The following TMEM108 variants were observed in gnomAD, a reference collection of about 807,000 sequenced individuals.
The protein encoded by TMEM108 is transmembrane protein 108, also known as cancer/testis antigen 124.
In TMEM108, 12 loss-of-function variants were observed where a neutral mutation model predicts 35.1. The ratio of observed to expected loss-of-function variants is 0.34; its 90% CI spans 0.22 to 0.55. TMEM108 has a LOEUF of 0.55. TMEM108 is among the 20% of genes least tolerant of loss of function. The pLI, the probability that TMEM108 is intolerant of heterozygous loss-of-function variation, is 0.89. For missense variants in TMEM108, 680 were observed against 753.3 expected, an observed-to-expected ratio of 0.90 and a Z score of 1.14; for synonymous variants, 287 against 308.6, an observed-to-expected ratio of 0.93 and a Z score of 0.73.
chr3:133,040,285 C>A (rs1943259529), intron 1 of TMEM108, among the ~76,000 whole-genome samples: 1 of 147,956 alleles, frequency 6.8e-6, no homozygotes, highest in Admixed American at 6.9e-5. Context: ...CTCACTGTAA[C>A]CTCCGTCTCC....
intron 2 of TMEM108, among the ~76,000 whole-genome samples, chr3:133,085,997 A>G (rs1174983498): frequency 1.3e-5 from 2 of 151,946 alleles, no homozygotes; most frequent in African/African-American, 4.8e-5. Flanking sequence ...CTCTTGTTCA[A>G]CTCTTCTAAT....
At chr3:133,351,992 C>G (rs1162889221) in intron 3 of TMEM108, among the ~76,000 whole-genome samples, 1 of 152,182 alleles carries the variant, frequency 6.6e-6, no homozygotes, top group Non-Finnish European at 1.5e-5. Context: ...ATCATATACA[C>G]ACACATAACC....
chr3:133,269,016 GT>G (rs903990121), intron 3 of TMEM108, among the ~76,000 whole-genome samples: 2 of 151,836 alleles, frequency 1.3e-5, no homozygotes, highest in East Asian at 3.9e-4. Flanking sequence ...CCATCCAGTA[GT>G]TTTTTTTTAA....
chr3:133,057,435 G>GTATATATATATATATA (rs56983894), intron 2 of TMEM108, among the ~76,000 whole-genome samples: 2 of 45,764 alleles, frequency 4.4e-5, no homozygotes, highest in African/African-American at 7.0e-5. Context: ...GTGTGTGTGT[G>GTATATATATATATATA]TATATATATA....
intron 2 of TMEM108, among the ~76,000 whole-genome samples, chr3:133,051,817 G>C (rs1286178590): frequency 6.6e-6 from 1 of 152,064 alleles, no homozygotes; most frequent in Non-Finnish European, 1.5e-5. Context: ...TCTGGATGTA[G>C]GTATATTTCT....
Position 133,229,343 on chromosome 3 carries a change from A to G in TMEM108, c.32A>G (p.Gln11Arg). MKRSLQALYC[Q>R]LLSFLLILAL... ...AGAAGTTTACAGGCCCTCTATTGCC[A>G]ACTGTTAAGTAAGTTGACACTGTAT... Residue 11 changes from glutamine to arginine, a missense_variant, in exon 3 of 6, where the codon CAA (glutamine) becomes CGA (arginine). Coordinates refer to ENST00000321871, the MANE Select transcript of TMEM108 (RefSeq NM_023943.4). 3 of 1,613,166 alleles carry G rather than the reference A, an allele frequency of 1.9e-6. No homozygotes were observed. The highest frequency in any genetic ancestry group is 2.5e-6 in the Non-Finnish European group (3 of 1,179,484).
intron 2 of TMEM108, among the ~76,000 whole-genome samples, chr3:133,192,293 T>C (rs1475401163): frequency 6.6e-6 from 1 of 152,212 alleles, no homozygotes; most frequent in African/African-American, 2.4e-5. Context: ...ACTCCTCTTA[T>C]TTTGGACACA....
chr3:133,245,305 TCCCTCTG>T (rs1276859032), intron 3 of TMEM108, among the ~76,000 whole-genome samples: 1 of 152,174 alleles, frequency 6.6e-6, no homozygotes, highest in Non-Finnish European at 1.5e-5. Flanking sequence ...CTCTCCTACA[TCCCTCTG>T]CACAGCAGTA....
At chr3:133,183,472 A>G (rs1945376909) in intron 2 of TMEM108, among the ~76,000 whole-genome samples, 1 of 152,154 alleles carries the variant, frequency 6.6e-6, no homozygotes, top group Non-Finnish European at 1.5e-5. Flanking sequence ...GGCTTCTCTT[A>G]CAGTGTGAAG....
At chr3:133,176,369 A>G (rs1473951411) in intron 2 of TMEM108, among the ~76,000 whole-genome samples, 1 of 152,114 alleles carries the variant, frequency 6.6e-6, no homozygotes, top group Non-Finnish European at 1.5e-5. Flanking sequence ...CAGAATATAC[A>G]TTTTTTTCAG....
intron 2 of TMEM108, among the ~76,000 whole-genome samples, chr3:133,203,372 G>A (rs576620801): frequency 4.6e-5 from 7 of 152,240 alleles, no homozygotes; most frequent in South Asian, 4.1e-4. Context: ...TCTTTGTGCC[G>A]GTTTTCAAAA....
intron 2 of TMEM108, among the ~76,000 whole-genome samples, chr3:133,097,435 A>T (rs2107712149): frequency 6.6e-6 from 1 of 152,320 alleles, no homozygotes; most frequent in South Asian, 2.1e-4. Context: ...GGCACAAAGG[A>T]GTTGTTGATA....
At chr3:133,154,115 C>T (rs539596492) in intron 2 of TMEM108, among the ~76,000 whole-genome samples, 8 of 151,658 alleles carry the variant, frequency 5.3e-5, no homozygotes, top group South Asian at 4.2e-4. Flanking sequence ...TCATATCCAT[C>T]GCCCACTTTT....
At chr3:133,204,274 G>T (rs570153236) in intron 2 of TMEM108, among the ~76,000 whole-genome samples, 42 of 135,550 alleles carry the variant, frequency 3.1e-4, no homozygotes, top group African/African-American at 1.0e-3. Flanking sequence ...ATTTTTTTTT[G>T]AAGGGTTTTT....
intron 3 of TMEM108, among the ~76,000 whole-genome samples, chr3:133,331,001 C>T (rs1030176261): frequency 3.3e-5 from 5 of 151,902 alleles, no homozygotes; most frequent in South Asian, 2.1e-4. Flanking sequence ...AGAGGAGGGA[C>T]GGGGATGGGG....
intron 2 of TMEM108, chr3:133,124,889 T>C (rs573172708): frequency 1.3e-5 from 2 of 152,186 alleles, no homozygotes; most frequent in South Asian, 2.1e-4. Context: ...GAGTGGGCAG[T>C]AGAGCGGAGG....
chr3:133,133,725 G>C (rs530521582), intron 2 of TMEM108, among the ~76,000 whole-genome samples: 11 of 130,702 alleles, frequency 8.4e-5, no homozygotes, highest in African/African-American at 2.9e-4. Flanking sequence ...GAGTCTCGCT[G>C]TATCACCCAG....
chr3:133,045,248 G>A (rs538831125), intron 1 of TMEM108, among the ~76,000 whole-genome samples: 6 of 152,274 alleles, frequency 3.9e-5, no homozygotes, highest in East Asian at 1.9e-4. Flanking sequence ...GATTACAGGC[G>A]TGAGCCACCG....
chr3:133,372,561 T>G (rs2072707200), intron 3 of TMEM108, among the ~76,000 whole-genome samples: 1 of 152,192 alleles, frequency 6.6e-6, no homozygotes, highest in African/African-American at 2.4e-5. Context: ...GCCATAGGTG[T>G]GTCTGGGGCA....
Sources: allele counts gnomAD v4.1 joint callset (sites outside exome capture counted in the v4.1 genomes callset), GRCh38; gene constraint gnomAD v4.1.1; transcripts MANE v1.5; gene names NCBI Gene and HGNC (gene_info 2026-07-23, HGNC 2026-07-21).